Variants in ATG7 observed in about 807,000 individuals in gnomAD.
ATG7 encodes ubiquitin-like modifier-activating enzyme ATG7.
Under a neutral mutation model 82.4 loss-of-function variants are expected in ATG7, and 70 were observed. That is an observed-to-expected ratio of 0.85 (90% CI 0.70 to 1.04). The LOEUF (loss-of-function observed/expected upper bound fraction) is 1.04. Among genes scored for constraint, ATG7 ranks in the 50% least tolerant of loss-of-function variants. ATG7 has a pLI of 0.00. For synonymous variants in ATG7, 287 were observed against 313.0 expected (o/e 0.92, Z 0.88); for missense variants, 792 against 864.3 (o/e 0.92, Z 1.05).
intron 1 of ATG7, among the ~76,000 whole-genome samples, chr3:11,277,891 A>ATCC (rs1942170487): frequency 1.6e-5 from 1 of 60,770 alleles, no homozygotes; most frequent in Admixed American, 2.7e-4. Flanking sequence ...CCCTTTATAG[A>ATCC]CCCCCCCCCC....
intron 20 of ATG7, among the ~76,000 whole-genome samples, chr3:11,495,002 G>A (rs1417769511): frequency 2.6e-5 from 4 of 152,096 alleles, no homozygotes; most frequent in Admixed American, 6.5e-5. Context: ...AACCTGGGAG[G>A]TGGAGGTTGC....
Position 11,556,913 on chromosome 3 carries a change from C to T in ATG7, c.*2070C>T, listed in dbSNP as rs2072476831. 6.5e-6 allele frequency: 1 copy of T among 152,776 alleles called. No individual in the cohort carries two copies. 9.5% of individuals were successfully genotyped at this position (152,776 alleles called of 1,614,324 possible). A position where few individuals can be genotyped will look rare whatever the true frequency, so the allele number is the denominator to read the frequency against. The stretch of plus-strand genomic sequence containing the variant: ...TTTTCTTTCCTCCACTTTTCAAAGG[C>T]CTGCAGCCACTCTGTGACTACAAGA... On this transcript the variant is annotated 3_prime_UTR_variant, in exon 21 of 21. Coordinates refer to ENST00000693202, the MANE Select transcript of ATG7 (RefSeq NM_001349232.2).
At chr3:11,441,054 T>G (rs933638752) in intron 20 of ATG7, among the ~76,000 whole-genome samples, 1 of 152,198 alleles carries the variant, frequency 6.6e-6, no homozygotes, top group South Asian at 2.1e-4. Context: ...TATCTTATTG[T>G]TGCAGGACAA....
At position 11,348,073 on chromosome 3, in the gene ATG7, T is replaced by C. The variant is rs746220915; in HGVS notation, c.1284+38T>C. Reference sequence around the variant, plus strand: ...TTTTGCAGAGGTTTTCTGTTATATGTATAAATGTTTAAGTCTTGGGAAATG... The same window carrying C: ...TTTTGCAGAGGTTTTCTGTTATATGCATAAATGTTTAAGTCTTGGGAAATG... On this transcript the variant is annotated intron_variant, in intron 14 of 20. Transcript: ENST00000693202. 5.7e-6 allele frequency: 9 copies of C among 1,577,558 alleles called. No individual in the cohort carries two copies. In the Admixed American group the frequency reaches 1.6e-4, roughly 28 times the overall value.
At chr3:11,567,689 G>T in the ATG7 span, among the ~76,000 whole-genome samples, 1 of 152,174 alleles carries the variant, frequency 6.6e-6, no homozygotes, top group South Asian at 2.1e-4. Flanking sequence ...AAGACCTTCC[G>T]CGGAACGGAC....
intron 20 of ATG7, among the ~76,000 whole-genome samples, chr3:11,503,903 G>A (rs1261527816): frequency 6.6e-6 from 1 of 152,004 alleles, no homozygotes. Flanking sequence ...TGGAAAATAA[G>A]GGAGAAAAGA....
At chr3:11,332,359 A>G (rs1176601637) in intron 10 of ATG7, among the ~76,000 whole-genome samples, 1 of 152,266 alleles carries the variant, frequency 6.6e-6, no homozygotes, top group Non-Finnish European at 1.5e-5. Context: ...AGTAGTTGTT[A>G]CTTTTGAAGG....
At chr3:11,459,025 C>A (rs1012714592) in intron 20 of ATG7, among the ~76,000 whole-genome samples, 3 of 152,068 alleles carry the variant, frequency 2.0e-5, no homozygotes, top group Admixed American at 6.5e-5. Flanking sequence ...TCATCACCCC[C>A]CCATCTATGG....
the ATG7 span, among the ~76,000 whole-genome samples, chr3:11,573,080 C>T: frequency 4.0e-5 from 6 of 151,538 alleles, no homozygotes; most frequent in Non-Finnish European, 5.9e-5. Context: ...GGAGGAGAAT[C>T]GGCTGAACCC....
chr3:11,310,135 A>G (rs9866645), intron 7 of ATG7, among the ~76,000 whole-genome samples: 4,556 of 152,116 alleles, frequency 0.03, 240 homozygotes, highest in African/African-American at 0.1. Flanking sequence ...ACTGCACTCC[A>G]GCCTGGACAA....
At chr3:11,533,006 G>T (rs947680440) in intron 20 of ATG7, among the ~76,000 whole-genome samples, 1 of 152,204 alleles carries the variant, frequency 6.6e-6, no homozygotes, top group East Asian at 1.9e-4. Context: ...GTCACAGACA[G>T]GGTGGCGAGG....
At chr3:11,348,363 C>T (rs1028429010) in intron 14 of ATG7, 11 of 215,522 alleles carry the variant, frequency 5.1e-5, no homozygotes, top group Non-Finnish European at 9.3e-6. Flanking sequence ...AGAGTTTGTT[C>T]CTTCAGATGT....
At chr3:11,415,828 G>A (rs1182554896) in intron 19 of ATG7, among the ~76,000 whole-genome samples, 1 of 151,220 alleles carries the variant, frequency 6.6e-6, no homozygotes, top group Non-Finnish European at 1.5e-5. Flanking sequence ...GTATAGTATA[G>A]TAAATATATA....
intron 18 of ATG7, among the ~76,000 whole-genome samples, chr3:11,373,723 A>C (rs1232556584): frequency 6.6e-6 from 1 of 152,214 alleles, no homozygotes; most frequent in African/African-American, 2.4e-5. Context: ...GTGTATATTT[A>C]TTAGGACCTT....
chr3:11,381,226 A>G (rs1013102249), intron 19 of ATG7, among the ~76,000 whole-genome samples: 2 of 152,192 alleles, frequency 1.3e-5, no homozygotes, highest in Non-Finnish European at 1.5e-5. Context: ...CCAGGACCTC[A>G]AGGATGTCTG....
rs879693959 is a variant in ATG7 at position 11,308,869 on chromosome 3, G to A, written c.334-115G>A. 10 of 926,768 alleles carry A rather than the reference G, an allele frequency of 1.1e-5. No individual in the cohort carries two copies. In the African/African-American group the frequency reaches 1.1e-4, roughly 11 times the overall value. 57.4% of individuals were successfully genotyped at this position (926,768 alleles called of 1,614,324 possible). A position where few individuals can be genotyped will look rare whatever the true frequency, so the allele number is the denominator to read the frequency against. On this transcript the variant is annotated intron_variant, in intron 6 of 20. Transcript: ENST00000693202. ...CCCACTTCATTGTTTGGGGTAAGTG[G>A]TGCTGGGCCTGTAGGAAAGAAGAGC...
intron 20 of ATG7, among the ~76,000 whole-genome samples, chr3:11,549,761 A>G (rs2071606774): frequency 6.6e-6 from 1 of 152,198 alleles, no homozygotes; most frequent in Non-Finnish European, 1.5e-5. Flanking sequence ...CAGGAGTGGA[A>G]TGGCTGGATC....
At chr3:11,399,488 A>G (rs1019375570) in intron 19 of ATG7, among the ~76,000 whole-genome samples, 2 of 152,200 alleles carry the variant, frequency 1.3e-5, no homozygotes, top group African/African-American at 2.4e-5. Context: ...TTATTATATA[A>G]GTCGCTGGTT....
Position 11,395,971 on chromosome 3 carries a change from G to GA in ATG7, c.1956+15919_1956+15920insA, listed in dbSNP as rs1559533706. ...AAAAAAAAAAAAAAAAAAAAGGTAG[G>GA]GGGGGAAGAGTAAAAGTGAAGGTAT... On this transcript the variant is annotated intron_variant, in intron 19 of 20. Transcript: ENST00000693202. Among the ~76,000 whole-genome samples the GA allele has an allele frequency of 3.5e-5, 5 of 144,104 alleles. 1 individual carries two copies. The East Asian group carries it at 6.5e-4, about 19-fold the overall frequency. 94.5% of individuals were successfully genotyped at this position (144,104 alleles called of 152,430 possible). A position where few individuals can be genotyped will look rare whatever the true frequency, so the allele number is the denominator to read the frequency against.
Sources: gnomAD v4.1 joint callset for allele counts (sites outside exome capture counted in the v4.1 genomes callset) on GRCh38, gnomAD v4.1.1 for gene constraint, MANE v1.5 for transcripts, NCBI Gene and HGNC (gene_info 2026-07-23, HGNC 2026-07-21) for gene names.